The following ABCC4 variants were observed in gnomAD, a reference collection of about 807,000 sequenced individuals.
ABCC4 encodes ATP-binding cassette sub-family C member 4.
A neutral mutation model predicts 168.5 loss-of-function variants in ABCC4; 102 were observed. The observed-to-expected ratio is 0.61, with a 90% confidence interval of 0.52 to 0.71. The LOEUF is 0.71. Among genes scored for constraint, ABCC4 ranks in the 30% least tolerant of loss-of-function variants. The pLI, the probability that ABCC4 is intolerant of heterozygous loss-of-function variation, is 0.00. For missense variants in ABCC4, 1,402 were observed against 1,605.8 expected (o/e 0.87, Z 2.17); for synonymous variants, 617 against 590.7 (o/e 1.04, Z -0.65).
chr13:95,226,686 A>T (rs4520712), intron 4 of ABCC4, among the ~76,000 whole-genome samples: 1 of 151,986 alleles, frequency 6.6e-6, no homozygotes, highest in Admixed American at 6.5e-5. Context: ...CCAATCTGCC[A>T]CTAGAGGACT....
chr13:95,021,779 G>A (rs1351556471), intron 30 of ABCC4, 97 bp from the exon 31 acceptor site: 7 of 803,164 alleles, frequency 8.7e-6, no homozygotes, highest in South Asian at 6.9e-5. Context: ...TTCATGTGAA[G>A]CAAATCATAT....
intron 4 of ABCC4, among the ~76,000 whole-genome samples, chr13:95,222,177 A>T (rs2039327480): frequency 6.6e-6 from 1 of 152,014 alleles, no homozygotes. Flanking sequence ...ACCACACCCT[A>T]TACTGTACAC....
At chr13:95,252,202 G>A (rs1409527649) in intron 1 of ABCC4, among the ~76,000 whole-genome samples, 1 of 152,166 alleles carries the variant, frequency 6.6e-6, no homozygotes, top group Middle Eastern at 3.4e-3. Flanking sequence ...AAAGGTTAAG[G>A]TTCTCAAGCC....
intron 20 of ABCC4, among the ~76,000 whole-genome samples, chr13:95,098,529 G>A (rs1273153540): frequency 6.6e-6 from 1 of 152,086 alleles, no homozygotes; most frequent in Non-Finnish European, 1.5e-5. Context: ...ACATTAAATG[G>A]ACAAATGTGA....
intron 8 of ABCC4, among the ~76,000 whole-genome samples, chr13:95,203,642 G>A (rs1476008783): frequency 6.6e-6 from 1 of 152,094 alleles, no homozygotes; most frequent in Non-Finnish European, 1.5e-5. Context: ...ATAGCTGTAA[G>A]CCACCGCGCC....
chr13:95,142,629 G>GA (rs11390475), intron 19 of ABCC4, among the ~76,000 whole-genome samples: 3,216 of 151,350 alleles, frequency 0.021, 108 homozygotes, highest in African/African-American at 0.071. Context: ...GAGTAAACCA[G>GA]AAAAAAAAGA....
chr13:95,219,625 G>T (rs1239657743), intron 4 of ABCC4, among the ~76,000 whole-genome samples: 1 of 152,092 alleles, frequency 6.6e-6, no homozygotes, highest in Non-Finnish European at 1.5e-5. Context: ...TCCTGTCTCA[G>T]CCTCCCAAGT....
chr13:95,166,449 T>A, intron 14 of ABCC4, 82 bp from the exon 15 acceptor site: 1 of 1,184,842 alleles, frequency 8.4e-7, no homozygotes, highest in Non-Finnish European at 1.2e-6. Context: ...CCAGAAAAAG[T>A]AACTGATCTT....
intron 20 of ABCC4, among the ~76,000 whole-genome samples, chr13:95,084,919 T>C (rs1277825287): frequency 6.6e-6 from 1 of 152,224 alleles, no homozygotes; most frequent in African/African-American, 2.4e-5. Context: ...CATTTCAGTA[T>C]TCATCTTTAT....
At chr13:95,154,397 G>A (rs2036791241) in intron 19 of ABCC4, among the ~76,000 whole-genome samples, 1 of 152,194 alleles carries the variant, frequency 6.6e-6, no homozygotes, top group East Asian at 1.9e-4. Context: ...AAGCTGTCAG[G>A]ACGGTTGTTA....
chr13:95,204,212 C>G (rs1216439660), intron 8 of ABCC4, among the ~76,000 whole-genome samples: 1 of 152,036 alleles, frequency 6.6e-6, no homozygotes, highest in African/African-American at 2.4e-5. Context: ...ACCTAGGGTT[C>G]AAAAATAGGA....
At chr13:95,208,477 A>G (rs1347267400) in intron 6 of ABCC4, among the ~76,000 whole-genome samples, 2 of 152,114 alleles carry the variant, frequency 1.3e-5, no homozygotes, top group Non-Finnish European at 2.9e-5. Flanking sequence ...AAAGAACTCA[A>G]TGCACTTCCA....
At chr13:95,066,202 C>T (rs2033538383) in intron 25 of ABCC4, among the ~76,000 whole-genome samples, 1 of 152,250 alleles carries the variant, frequency 6.6e-6, no homozygotes, top group Non-Finnish European at 1.5e-5. Flanking sequence ...CTTTCACATG[C>T]ATTTCGACCT....
chr13:95,271,848 C>T (rs919495711), intron 1 of ABCC4, among the ~76,000 whole-genome samples: 4 of 152,116 alleles, frequency 2.6e-5, no homozygotes, highest in East Asian at 1.9e-4. Flanking sequence ...GGAAAACAGA[C>T]GGGACTCAAT....
intron 30 of ABCC4, among the ~76,000 whole-genome samples, chr13:95,025,215 A>T (rs1004411566): frequency 9.1e-5 from 2 of 22,096 alleles, no homozygotes; most frequent in African/African-American, 2.5e-4. Context: ...CACACCCCCC[A>T]CACACCCCCA....
chr13:95,157,378 A>G (rs2036904795), intron 19 of ABCC4, among the ~76,000 whole-genome samples: 1 of 151,774 alleles, frequency 6.6e-6, no homozygotes. Flanking sequence ...CACCTGTAAT[A>G]CCAACTACTC....
At chr13:95,024,535 C>A (rs2031290878) in intron 30 of ABCC4, among the ~76,000 whole-genome samples, 1 of 152,188 alleles carries the variant, frequency 6.6e-6, no homozygotes, top group Non-Finnish European at 1.5e-5. Flanking sequence ...AGCTCCCGCA[C>A]GTGGACAAAG....
rs180859225 is a variant in ABCC4, at chr13:95,179,104, T to C, written c.1546-1013A>G. On this transcript the variant is annotated intron_variant, in intron 11 of 30. Transcript: ENST00000645237. ...CCTGACTTGCGGCTGGATAAGTGAG[T>C]CTGGAGGTCTGTGCTGGAGACCCAA... Among the ~76,000 whole-genome samples the C allele has an allele frequency of 7.2e-5, 11 of 151,980 alleles. No individual in the cohort carries two copies. In the East Asian group the frequency reaches 2.1e-3, roughly 29 times the overall value.
In ABCC4 at chr13:95,186,711, G is replaced by GC. The variant is rs1420551644; in HGVS notation, c.1534dup (p.Ala512GlyfsTer13). The stretch of plus-strand genomic sequence containing the variant: ...AAAGTCATCACTCACCTTTTTCAGA[G>GC]CACAAGCCTTTATGACTTTTTCATA... On this transcript the variant is annotated frameshift_variant, in exon 11 of 31. Coordinates refer to ENST00000645237, the MANE Select transcript of ABCC4 (RefSeq NM_005845.5). LOFTEE classifies it high-confidence loss of function. 6.2e-7 allele frequency: 1 copy of GC among 1,613,286 alleles called. No homozygotes were observed. Among genetic ancestry groups the GC allele is most frequent in the Non-Finnish European group, 8.5e-7 (1 of 1,179,592 alleles).
Sources: allele counts gnomAD v4.1 joint callset (sites outside exome capture counted in the v4.1 genomes callset), GRCh38; gene constraint gnomAD v4.1.1; transcripts MANE v1.5; gene names NCBI Gene and HGNC (gene_info 2026-07-23, HGNC 2026-07-21).